Variants in GABRA2 observed in about 807,000 individuals in gnomAD.
GABRA2 encodes the protein gamma-aminobutyric acid receptor subunit alpha-2.
In GABRA2, 16 loss-of-function variants were observed where a neutral mutation model predicts 48.7. The ratio of observed to expected loss-of-function variants is 0.33; its 90% CI spans 0.22 to 0.50. The LOEUF (loss-of-function observed/expected upper bound fraction) is 0.50. Ranked by LOEUF, GABRA2 falls within the 20% of genes least tolerant of loss-of-function variation. The probability of loss-of-function intolerance (pLI) is 0.98; values close to 1 mark genes in which losing one functional copy is unlikely to be tolerated. For missense variants in GABRA2, 275 were observed against 535.6 expected (o/e 0.51, Z 4.80); for synonymous variants, 185 against 184.5 (o/e 1.00, Z -0.02).
chr4:46,377,763 C>T (rs1716054615), intron 3 of GABRA2, among the ~76,000 whole-genome samples: 1 of 145,084 alleles, frequency 6.9e-6, no homozygotes, highest in African/African-American at 2.6e-5. Context: ...GCCAGCCGCC[C>T]CGTCCGGGAA....
At chr4:46,291,280 G>C (rs1434441918) in intron 8 of GABRA2, among the ~76,000 whole-genome samples, 7 of 152,236 alleles carry the variant, frequency 4.6e-5, no homozygotes, top group Admixed American at 3.3e-4. Flanking sequence ...GGTCTGTTGA[G>C]TTTTTCTATA....
chr4:46,303,697 A>G, intron 7 of GABRA2, 85 bp from the exon 8 acceptor site: 1 of 1,219,876 alleles, frequency 8.2e-7, no homozygotes, highest in Non-Finnish European at 1.2e-6. Context: ...GGTAGAACAA[A>G]AACTGATTTT....
At chr4:46,335,269 T>G (rs1732025148) in intron 3 of GABRA2, among the ~76,000 whole-genome samples, 2 of 152,122 alleles carry the variant, frequency 1.3e-5, no homozygotes, top group Non-Finnish European at 2.9e-5. Context: ...TCAAGACATT[T>G]TATAGTATCA....
chr4:46,317,216 G>A (rs1433741528), intron 4 of GABRA2, among the ~76,000 whole-genome samples: 1 of 151,748 alleles, frequency 6.6e-6, no homozygotes, highest in Non-Finnish European at 1.5e-5. Context: ...CAGGGAAGCA[G>A]GTTGGTTATA....
At chr4:46,340,083 T>A (rs913115521) in intron 3 of GABRA2, among the ~76,000 whole-genome samples, 1 of 151,876 alleles carries the variant, frequency 6.6e-6, no homozygotes, top group African/African-American at 2.4e-5. Context: ...AAATCTCTTC[T>A]CAAAGATAGG....
intron 3 of GABRA2, among the ~76,000 whole-genome samples, chr4:46,381,472 C>T (rs1716750553): frequency 6.6e-6 from 1 of 152,144 alleles, no homozygotes; most frequent in African/African-American, 2.4e-5. Flanking sequence ...TGAAATAAGA[C>T]TACCAAATGC....
At chr4:46,383,757 T>A (rs961909341) in intron 3 of GABRA2, among the ~76,000 whole-genome samples, 3 of 152,024 alleles carry the variant, frequency 2.0e-5, no homozygotes, top group African/African-American at 7.2e-5. Context: ...ATAGGAAAGG[T>A]AGAGTTTAGA....
intron 9 of GABRA2, 46 bp downstream of exon 9, chr4:46,261,880 A>G (rs760987486): frequency 6.9e-7 from 1 of 1,449,266 alleles, no homozygotes; most frequent in East Asian, 2.3e-5. Context: ...AGCGGAATTC[A>G]TTAGGGTATT....
chr4:46,285,218 C>T lies in GABRA2; in HGVS notation c.856+18242G>A, dbSNP rs568425214. ...CACAATATTTATTTACACAAAATAA[C>T]TCATAGAATACTTTTATCACCTGAC... On this transcript the variant is annotated intron_variant, in intron 8 of 9. Transcript: ENST00000381620. Among the ~76,000 whole-genome samples the T allele has an allele frequency of 8.6e-5, 13 of 152,040 alleles. No homozygotes were observed. In the East Asian group the frequency reaches 2.1e-3, roughly 25 times the overall value.
chr4:46,379,168 TAAAAAGCGTCAC>T (rs914319057), intron 3 of GABRA2, among the ~76,000 whole-genome samples: 11 of 152,148 alleles, frequency 7.2e-5, no homozygotes, highest in Non-Finnish European at 1.5e-5. Flanking sequence ...CTCAAAATAT[TAAAAAGCGTCAC>T]AAAAAGCTGT....
intron 3 of GABRA2, among the ~76,000 whole-genome samples, chr4:46,347,468 A>C (rs906073951): frequency 9.2e-5 from 14 of 152,100 alleles, no homozygotes; most frequent in Non-Finnish European, 1.6e-4. Context: ...TATTGAACAA[A>C]GGTTTGAAGA....
intron 6 of GABRA2, among the ~76,000 whole-genome samples, chr4:46,306,677 G>A (rs1726755465): frequency 6.6e-6 from 1 of 152,136 alleles, no homozygotes; most frequent in East Asian, 1.9e-4. Context: ...GCAAAACTCA[G>A]CATCACAGTC....
intron 3 of GABRA2, chr4:46,365,229 T>C (rs1713857772): frequency 6.6e-6 from 1 of 152,178 alleles, no homozygotes. Context: ...ATAGATGTAA[T>C]CTCAAAATCC....
At chr4:46,350,128 G>A (rs931146811) in intron 3 of GABRA2, among the ~76,000 whole-genome samples, 1 of 151,870 alleles carries the variant, frequency 6.6e-6, no homozygotes, top group African/African-American at 2.4e-5. Flanking sequence ...CAGCTAAGAT[G>A]AGACAGATCT....
chr4:46,349,290 G>A (rs1734720169), intron 3 of GABRA2, among the ~76,000 whole-genome samples: 1 of 151,850 alleles, frequency 6.6e-6, no homozygotes, highest in African/African-American at 2.4e-5. Flanking sequence ...CATTATCTTT[G>A]AAATATGGCT....
Position 46,250,453 on chromosome 4 carries a change from G to T in GABRA2, c.1211C>A (p.Pro404Gln). The stretch of plus-strand genomic sequence containing the variant: ...GTTGAAAGTTTTCTTTGCTTCAGCT[G>T]GCTTGTTTTCTGGCTTCTTGTTGGG... ...PEPNKKPENK[P>Q]AEAKKTFNSV... is the part of the protein sequence containing the mutation. Residue 404 changes from proline (P) to glutamine (Q), a missense_variant, in exon 10 of 10, where the codon CCA becomes CAA. This residue lies in a region of GABRA2 where 99 missense variants were observed against 124.3 expected (regional missense o/e 0.80). Transcript: ENST00000381620. The T allele has an allele frequency of 6.2e-7, 1 of 1,612,066 alleles. No individual in the cohort carries two copies. The highest frequency in any genetic ancestry group is 1.3e-5 in the African/African-American group (1 of 74,828).
At chr4:46,306,113 T>C (rs1025950203) in intron 6 of GABRA2, among the ~76,000 whole-genome samples, 17 of 152,164 alleles carry the variant, frequency 1.1e-4, no homozygotes, top group African/African-American at 4.1e-4. Flanking sequence ...AAATTCAAAA[T>C]TATATTAATT....
intron 8 of GABRA2, among the ~76,000 whole-genome samples, chr4:46,265,184 C>T (rs543957393): frequency 5.8e-4 from 87 of 149,264 alleles, no homozygotes; most frequent in African/African-American, 1.8e-3. Flanking sequence ...TACAGGAGCA[C>T]GCTACCATGC....
At chr4:46,357,332 A>G (rs988076360) in intron 3 of GABRA2, among the ~76,000 whole-genome samples, 1 of 150,522 alleles carries the variant, frequency 6.6e-6, no homozygotes, top group African/African-American at 2.5e-5. Flanking sequence ...CAGGAGGAGA[A>G]AAAAGGGTCT....
Sources: allele counts gnomAD v4.1 joint callset (sites outside exome capture counted in the v4.1 genomes callset), GRCh38; gene constraint gnomAD v4.1.1; regional missense constraint gnomAD v4.1.1; transcripts MANE v1.5; gene names NCBI Gene and HGNC (gene_info 2026-07-23, HGNC 2026-07-21).